ULK4: variants seen among roughly 807,000 people sequenced by gnomAD.
ULK4 encodes inactive serine/threonine-protein kinase ULK4.
A neutral mutation model predicts 160.6 loss-of-function variants in ULK4; 133 were observed. The observed-to-expected ratio is 0.83, with a 90% CI of 0.72 to 0.96. The LOEUF (loss-of-function observed/expected upper bound fraction) is 0.96, where lower values mean the gene tolerates loss of function less well. Among genes scored for constraint, ULK4 ranks in the 40% least tolerant of loss-of-function variants. The pLI is 0.00. For synonymous variants in ULK4, 534 were observed against 539.8 expected (o/e 0.99, Z 0.15); for missense variants, 1,580 against 1,499.5 (o/e 1.05, Z -0.89).
intron 32 of ULK4, among the ~76,000 whole-genome samples, chr3:41,518,135 G>C (rs2085813586): frequency 6.6e-6 from 1 of 152,078 alleles, no homozygotes; most frequent in Non-Finnish European, 1.5e-5. Flanking sequence ...TGGAAGGGGA[G>C]GTAAATGACC....
rs373561222 is a variant in ULK4 at position 41,807,678 on chromosome 3, T to C, written c.1849-7385A>G. On this transcript the variant is annotated intron_variant, in intron 19 of 36. Coordinates refer to ENST00000301831, the MANE Select transcript of ULK4 (RefSeq NM_017886.4). ...TAAATGTTAGCTTTTATTCCCATTA[T>C]TATTAATACCATATAGTACAAACTA... Among the ~76,000 whole-genome samples the C allele has an allele frequency of 5.3e-5, 8 of 152,308 alleles. No individual in the cohort carries two copies. In the South Asian group the frequency reaches 1.7e-3, roughly 32 times the overall value.
intron 31 of ULK4, among the ~76,000 whole-genome samples, chr3:41,575,777 C>T (rs539232087): frequency 6.6e-6 from 1 of 152,350 alleles, no homozygotes; most frequent in African/African-American, 2.4e-5. Context: ...AATGGCAATG[C>T]GCTGCGAATG....
intron 32 of ULK4, among the ~76,000 whole-genome samples, chr3:41,480,215 A>G (rs1430934154): frequency 6.7e-6 from 1 of 148,260 alleles, no homozygotes; most frequent in African/African-American, 2.6e-5. Context: ...TCAAAAAAAA[A>G]AAAAAAAAAA....
At chr3:41,669,390 C>A (rs1238335003) in intron 29 of ULK4, among the ~76,000 whole-genome samples, 1 of 152,126 alleles carries the variant, frequency 6.6e-6, no homozygotes, top group African/African-American at 2.4e-5. Context: ...ACTCCCACCC[C>A]AAAGTAGCTG....
At chr3:41,337,869 G>C (rs532151544) in intron 35 of ULK4, among the ~76,000 whole-genome samples, 2 of 152,272 alleles carry the variant, frequency 1.3e-5, no homozygotes, top group Admixed American at 1.3e-4. Flanking sequence ...GGCAGCCCTT[G>C]AAGTTCTGCA....
At chr3:41,869,703 CAT>C (rs1329614737) in intron 17 of ULK4, among the ~76,000 whole-genome samples, 6 of 152,116 alleles carry the variant, frequency 3.9e-5, no homozygotes, top group African/African-American at 1.5e-4. Context: ...CAACTGCTGT[CAT>C]ATATTTTGCT....
At chr3:41,282,544 C>T (rs375998932) in intron 35 of ULK4, among the ~76,000 whole-genome samples, 19 of 151,944 alleles carry the variant, frequency 1.3e-4, no homozygotes, top group South Asian at 8.3e-4. Flanking sequence ...AAATAAGAAA[C>T]GGGGAAAGGA....
intron 32 of ULK4, among the ~76,000 whole-genome samples, chr3:41,483,407 T>A (rs2084396631): frequency 6.6e-6 from 1 of 152,172 alleles, no homozygotes; most frequent in Non-Finnish European, 1.5e-5. Context: ...TCTTTCCCCA[T>A]CCCCACCTCA....
intron 32 of ULK4, among the ~76,000 whole-genome samples, chr3:41,531,422 C>T (rs936349010): frequency 2.8e-5 from 3 of 107,034 alleles, no homozygotes; most frequent in Non-Finnish European, 5.1e-5. Context: ...GCCTAGGTGA[C>T]AGAGCAAGAC....
chr3:41,823,025 AT>A (rs141965533), intron 18 of ULK4, among the ~76,000 whole-genome samples: 2 of 150,248 alleles, frequency 1.3e-5, no homozygotes, highest in South Asian at 2.1e-4. Context: ...CCCGGCCGAG[AT>A]TTTTTTTTTA....
In ULK4 at chr3:41,502,701, C is replaced by A. The variant is rs550709511; in HGVS notation, c.3227-39448G>T. Among the ~76,000 whole-genome samples the A allele has an allele frequency of 2.6e-5, 4 of 152,268 alleles. No homozygotes were observed. In the South Asian group the frequency reaches 8.3e-4, roughly 32 times the overall value. ...GAAAGAAGGCAGACACAAATGTTTACATATTGTATGATTCCATTTATATAA... is the reference window on the plus strand; with the variant it reads ...GAAAGAAGGCAGACACAAATGTTTAAATATTGTATGATTCCATTTATATAA... On this transcript the variant is annotated intron_variant, in intron 32 of 36. Transcript: ENST00000301831.
intron 32 of ULK4, among the ~76,000 whole-genome samples, chr3:41,499,764 T>C (rs1341506877): frequency 6.6e-6 from 1 of 152,070 alleles, no homozygotes; most frequent in African/African-American, 2.4e-5. Flanking sequence ...AAAAATGAGG[T>C]TGTCTATGGC....
rs554128588 is a variant in ULK4 at position 41,885,943 on chromosome 3, G to A, written c.1578-1991C>T. Among the ~76,000 whole-genome samples, 4 of 152,196 alleles carry A rather than the reference G, an allele frequency of 2.6e-5. No individual in the cohort carries two copies. The South Asian group carries it at 8.3e-4, about 32-fold the overall frequency. ...TCTGCCCACCTCAAACTCCCAAAGT[G>A]CTAGGATTACAGGTGTGAGCTACTG... On this transcript the variant is annotated intron_variant, in intron 16 of 36. Coordinates refer to ENST00000301831, the MANE Select transcript of ULK4 (RefSeq NM_017886.4).
chr3:41,655,527 T>C (rs1029130201), intron 30 of ULK4, among the ~76,000 whole-genome samples: 4 of 151,990 alleles, frequency 2.6e-5, no homozygotes, highest in Non-Finnish European at 5.9e-5. Flanking sequence ...TAAAGTATAA[T>C]AAAAATAAAT....
rs369791345 is a variant in ULK4 at position 41,919,777 on chromosome 3, C to G, written c.583G>C (p.Asp195His). 9 of 1,613,958 alleles carry G rather than the reference C, an allele frequency of 5.6e-6. No individual in the cohort carries two copies. Among genetic ancestry groups the G allele is most frequent in the Non-Finnish European group, 5.9e-6 (7 of 1,180,006 alleles). The change falls in exon 6 of 37, where the codon GAC (aspartate) becomes CAC (histidine). Residue 195 changes from aspartate to histidine, a missense_variant. Coordinates refer to ENST00000301831, the MANE Select transcript of ULK4 (RefSeq NM_017886.4). ...YTAPEVVRGA[D>H]FSISSDLWSL... is the part of the protein sequence containing the mutation. ...CAGAGGTCACTGGAGATGGAAAAGT[C>G]AGCACCCCTCACAACTTCTGGTGCT...
chr3:41,386,781 G>C (rs553782326), intron 35 of ULK4, among the ~76,000 whole-genome samples: 12 of 152,284 alleles, frequency 7.9e-5, no homozygotes, highest in Admixed American at 3.9e-4. Flanking sequence ...AAGTAAGGAT[G>C]AAAGTAGAGA....
chr3:41,912,935 C>A, intron 8 of ULK4, 36 bp from the exon 9 acceptor site: 1 of 1,595,078 alleles, frequency 6.3e-7, no homozygotes, highest in Non-Finnish European at 8.6e-7. Context: ...TCTACTTTAA[C>A]ATGATTTACC....
intron 18 of ULK4, among the ~76,000 whole-genome samples, chr3:41,831,992 T>C (rs1449076058): frequency 1.3e-5 from 2 of 152,110 alleles, no homozygotes; most frequent in East Asian, 3.8e-4. Context: ...CTATTGTAAA[T>C]AGTGCTGCAA....
At chr3:41,516,287 T>C (rs1331702025) in intron 32 of ULK4, among the ~76,000 whole-genome samples, 1 of 152,208 alleles carries the variant, frequency 6.6e-6, no homozygotes, top group Non-Finnish European at 1.5e-5. Flanking sequence ...TAAGTATTAA[T>C]TTGGGAAGCA....
Sources: allele counts gnomAD v4.1 joint callset (sites outside exome capture counted in the v4.1 genomes callset), GRCh38; gene constraint gnomAD v4.1.1; transcripts MANE v1.5; gene names NCBI Gene and HGNC (gene_info 2026-07-23, HGNC 2026-07-21).